The following RNF144B variants were observed in gnomAD, a reference collection of about 807,000 sequenced individuals.
The protein encoded by RNF144B is ring finger protein 144B.
RNF144B carries 25 observed loss-of-function variants against 40.2 expected under a neutral mutation model. That is an observed-to-expected ratio of 0.62 (90% confidence interval 0.45 to 0.87). RNF144B has a LOEUF of 0.87. RNF144B is among the 40% of genes least tolerant of loss of function. The probability of loss-of-function intolerance (pLI) is 0.00; values close to 1 mark genes in which losing one functional copy is unlikely to be tolerated. For synonymous variants in RNF144B, 145 were observed against 136.3 expected (o/e 1.06, Z -0.44); for missense variants, 365 against 373.7 (o/e 0.98, Z 0.19).
Position 18,425,626 on chromosome 6 carries a change from G to T in RNF144B, c.166-1955G>T, listed in dbSNP as rs552309103. Among the ~76,000 whole-genome samples, 22 of 152,302 alleles carry T rather than the reference G, an allele frequency of 1.4e-4. No homozygotes were observed. The highest frequency in any genetic ancestry group is 4.1e-4 in the African/African-American group (17 of 41,576). Reference sequence around the variant, plus strand: ...TTTCACCCTTCTGTTGAACAAGGAAGTCAGGGTTAAAACACAGTAATTATA... The same window carrying T: ...TTTCACCCTTCTGTTGAACAAGGAATTCAGGGTTAAAACACAGTAATTATA... On this transcript the variant is annotated intron_variant, in intron 2 of 7. Transcript: ENST00000259939. This position sits in a 1 kb window ranked among gnomAD's most constrained non-coding sequence, Gnocchi z 4.2.
At chr6:18,455,292 C>G (rs1367751037) in intron 4 of RNF144B, among the ~76,000 whole-genome samples, 3 of 152,042 alleles carry the variant, frequency 2.0e-5, no homozygotes, top group East Asian at 1.9e-4. Context: ...TGACCCCCAC[C>G]CTCCAGAATT....
In RNF144B at chr6:18,425,056, G is replaced by GT. The variant is rs1758517556; in HGVS notation, c.166-2525_166-2524insT. On this transcript the variant is annotated intron_variant, in intron 2 of 7. Coordinates refer to ENST00000259939, the MANE Select transcript of RNF144B (RefSeq NM_182757.4). The surrounding 1 kb of genome is among the most constrained non-coding windows in gnomAD (Gnocchi z 4.2). ...TTTCACGTGTATGTGTGTATGTGTG[G>GT]GTGTGTGTGTGTGTGTGTTAAAACC... Among the ~76,000 whole-genome samples the GT allele has an allele frequency of 3.3e-5, 5 of 151,112 alleles. No individual in the cohort carries two copies. The highest frequency in any genetic ancestry group is 1.2e-4 in the African/African-American group (5 of 41,170).
At chr6:18,437,124 G>A (rs1426215384) in intron 3 of RNF144B, among the ~76,000 whole-genome samples, 1 of 152,064 alleles carries the variant, frequency 6.6e-6, no homozygotes, top group Non-Finnish European at 1.5e-5. Context: ...TTTACTCATG[G>A]TAAGCTGTCA....
At chr6:18,440,941 G>T (rs981520540) in intron 4 of RNF144B, among the ~76,000 whole-genome samples, 8 of 151,792 alleles carry the variant, frequency 5.3e-5, no homozygotes, top group African/African-American at 1.9e-4. Context: ...TGGTGGGTAC[G>T]TTTTTGCTCT....
intron 2 of RNF144B, among the ~76,000 whole-genome samples, chr6:18,411,485 ATATATATATATATT>A (rs1158801816): frequency 3.8e-5 from 1 of 26,344 alleles, no homozygotes; most frequent in Non-Finnish European, 8.4e-5. Context: ...ATATATATAT[ATATATATATATATT>A]TTTTTTTTTT....
Position 18,410,219 on chromosome 6 carries a change from C to T in RNF144B, c.165+10520C>T, listed in dbSNP as rs57487411. Among the ~76,000 whole-genome samples the T allele has an allele frequency of 0.025, 3,771 of 152,258 alleles. 165 individuals are homozygous for T. Among genetic ancestry groups the T allele is most frequent in the African/African-American group, 0.086 (3,562 of 41,530 alleles). On this transcript the variant is annotated intron_variant, in intron 2 of 7. Transcript: ENST00000259939. This position sits in a 1 kb window ranked among gnomAD's most constrained non-coding sequence, Gnocchi z 4.6. ...GTATTTCTTCTTTTGAAGTTGCACC[C>T]TTATTCCAATATTCTCTAAGTCTAT...
At position 18,405,661 on chromosome 6, in the gene RNF144B, A is replaced by T. The variant is rs766768725; in HGVS notation, c.165+5962A>T. On this transcript the variant is annotated intron_variant, in intron 2 of 7. Coordinates refer to ENST00000259939, the MANE Select transcript of RNF144B (RefSeq NM_182757.4). This position sits in a 1 kb window ranked among gnomAD's most constrained non-coding sequence, Gnocchi z 4.5. ...GTCACAGGTTTACAATGCCGATTTT[A>T]TTGGCACTATATTTTTCCACTGACA... Among the ~76,000 whole-genome samples, 5 of 152,164 alleles carry T rather than the reference A, an allele frequency of 3.3e-5. No individual in the cohort carries two copies. The highest frequency in any genetic ancestry group is 5.9e-5 in the Non-Finnish European group (4 of 68,024).
chr6:18,427,526 AC>A lies in RNF144B; in HGVS notation c.166-53del. The A allele has an allele frequency of 5.6e-6, 7 of 1,240,130 alleles. No homozygotes were observed. In the East Asian group the frequency reaches 1.2e-4, roughly 21 times the overall value. The allele number at this position is 1,240,130 out of a possible 1,614,324, so 76.8% of individuals were successfully genotyped here. A position where few individuals can be genotyped will look rare whatever the true frequency, so the allele number is the denominator to read the frequency against. On this transcript the variant is annotated intron_variant, in intron 2 of 7. Transcript: ENST00000259939. ...GACACAGTGGTGGTTCTGTTATGTAACCTTTCTGCTACTGTAATGGAATGGG... is the reference window on the plus strand; with the variant it reads ...GACACAGTGGTGGTTCTGTTATGTAACTTTCTGCTACTGTAATGGAATGGG...
At chr6:18,436,885 T>C (rs1220741147) in intron 3 of RNF144B, among the ~76,000 whole-genome samples, 1 of 105,728 alleles carries the variant, frequency 9.5e-6, no homozygotes, top group Non-Finnish European at 1.9e-5. Flanking sequence ...AATTTAACCT[T>C]TTGTATCATT....
chr6:18,401,293 T>A (rs931057162), intron 2 of RNF144B, among the ~76,000 whole-genome samples: 15 of 152,214 alleles, frequency 9.9e-5, no homozygotes, highest in African/African-American at 2.4e-5. Flanking sequence ...AGTTCCTGAT[T>A]CAAAACAGCA....
At chr6:18,429,580 T>C (rs2057540) in intron 3 of RNF144B, among the ~76,000 whole-genome samples, 37,451 of 139,834 alleles carry the variant, frequency 0.27, 4,812 homozygotes, top group African/African-American at 0.32. Flanking sequence ...GGTAAAAAGG[T>C]AATATCGAGT....
At position 18,444,769 on chromosome 6, in the gene RNF144B, G is replaced by A. The variant is rs531569815; in HGVS notation, c.331+5025G>A. Among the ~76,000 whole-genome samples the A allele has an allele frequency of 2.4e-4, 37 of 152,206 alleles. No homozygotes were observed. The highest frequency in any genetic ancestry group is 7.9e-4 in the African/African-American group (33 of 41,530). On this transcript the variant is annotated intron_variant, in intron 4 of 7. Transcript: ENST00000259939. This position sits in a 1 kb window ranked among gnomAD's most constrained non-coding sequence, Gnocchi z 4.3. ...AAGTATGTGCTTATTTATGTATTGCGTGTCTATCCTATGCCAGGTGCCATT... is the reference window on the plus strand; with the variant it reads ...AAGTATGTGCTTATTTATGTATTGCATGTCTATCCTATGCCAGGTGCCATT...
In RNF144B at chr6:18,410,321, G is replaced by A. The variant is rs1431354449; in HGVS notation, c.165+10622G>A. 6.6e-6 allele frequency among the ~76,000 whole-genome samples: 1 copy of A among 152,180 alleles called. No individual in the cohort carries two copies. Among genetic ancestry groups the A allele is most frequent in the African/African-American group, 2.4e-5 (1 of 41,452 alleles). ...GCATGGTGTTAATTGTGGAGCAAGT[G>A]GCAGTCATCAGACACAACCAGCCCT... On this transcript the variant is annotated intron_variant, in intron 2 of 7. Coordinates refer to ENST00000259939, the MANE Select transcript of RNF144B (RefSeq NM_182757.4). This position sits in a 1 kb window ranked among gnomAD's most constrained non-coding sequence, Gnocchi z 4.6.
At chr6:18,440,377 G>C (rs16880737) in intron 4 of RNF144B, among the ~76,000 whole-genome samples, 4,657 of 152,066 alleles carry the variant, frequency 0.031, 153 homozygotes, top group South Asian at 0.16. Flanking sequence ...ATCTATTTTT[G>C]AGGTAAATGG....
Position 18,387,356 on chromosome 6 carries a change from T to C in RNF144B, c.-311T>C. 1 of 1,152,082 alleles carries C rather than the reference T, an allele frequency of 8.7e-7. No homozygotes were observed. The highest frequency in any genetic ancestry group is 1.1e-6 in the Non-Finnish European group (1 of 921,098). 71.4% of individuals were successfully genotyped at this position (1,152,082 alleles called of 1,614,324 possible). On this transcript the variant is annotated 5_prime_UTR_variant, in exon 1 of 8. Transcript: ENST00000259939. ...CGCTGCTACCGCTGCTGGCGAGCTG[T>C]GCCCCACGCTCCCGCTGCAACAGTC... is the stretch of plus-strand genomic sequence containing the variant.
At position 18,467,651 on chromosome 6, in the gene RNF144B, T is replaced by A. The variant is rs1388520525; in HGVS notation, c.*2584T>A. The A allele has an allele frequency of 6.6e-6, 1 of 151,492 alleles. No homozygotes were observed. Among genetic ancestry groups the A allele is most frequent in the Non-Finnish European group, 1.5e-5 (1 of 67,854 alleles). 9.4% of individuals were successfully genotyped at this position (151,492 alleles called of 1,614,324 possible). A position where few individuals can be genotyped will look rare whatever the true frequency, so the allele number is the denominator to read the frequency against. On this transcript the variant is annotated 3_prime_UTR_variant, in exon 8 of 8. Transcript: ENST00000259939. Reference sequence around the variant, plus strand: ...GAGAGCTGGCGACTTATTTTTATTTTTATTTTTTGGACAGAGTCTCCCTTT... The same window carrying A: ...GAGAGCTGGCGACTTATTTTTATTTATATTTTTTGGACAGAGTCTCCCTTT...
intron 2 of RNF144B, among the ~76,000 whole-genome samples, chr6:18,402,722 T>C (rs1015746588): frequency 3.3e-5 from 5 of 152,336 alleles, no homozygotes; most frequent in Middle Eastern, 3.4e-3. Flanking sequence ...TTATTTCATG[T>C]AGGTAATTCT....
At position 18,447,793 on chromosome 6, in the gene RNF144B, C is replaced by T. The variant is rs1384470102; in HGVS notation, c.331+8049C>T. ...GTTTAAAGCTGTGACACTGAATGAG[C>T]GCATCTAAGAATTAAACATAGCTAA... On this transcript the variant is annotated intron_variant, in intron 4 of 7. Transcript: ENST00000259939. This position sits in a 1 kb window ranked among gnomAD's most constrained non-coding sequence, Gnocchi z 5.6. 1.3e-5 allele frequency among the ~76,000 whole-genome samples: 2 copies of T among 152,080 alleles called. No homozygotes were observed. Among genetic ancestry groups the T allele is most frequent in the South Asian group, 2.1e-4 (1 of 4,830 alleles).
At position 18,465,016 on chromosome 6, in the gene RNF144B, C is replaced by T. The variant is rs989257859; in HGVS notation, c.861C>T (p.Val287=). 10 of 1,613,728 alleles carry T rather than the reference C, an allele frequency of 6.2e-6. No individual in the cohort carries two copies. Among genetic ancestry groups the T allele is most frequent in the Non-Finnish European group, 7.6e-6 (9 of 1,179,920 alleles). ...LLASPCIICC[V]CKSCRGKKKK... ...CCTCCCCATGTATAATCTGTTGTGT[C>T]TGCAAGTCCTGTCGGGGCAAGAAGA... Residue 287 remains valine (V), a synonymous_variant, in exon 8 of 8, where the codon GTC becomes GTT. Coordinates refer to ENST00000259939, the MANE Select transcript of RNF144B (RefSeq NM_182757.4).
Sources: allele counts gnomAD v4.1 joint callset (sites outside exome capture counted in the v4.1 genomes callset), GRCh38; gene constraint gnomAD v4.1.1; non-coding constraint Gnocchi (gnomAD v3.1); transcripts MANE v1.5; gene names NCBI Gene and HGNC (gene_info 2026-07-23, HGNC 2026-07-21).